FRMD4B: variants seen among roughly 807,000 people sequenced by gnomAD.
FRMD4B encodes FERM domain-containing protein 4B.
FRMD4B carries 74 observed loss-of-function variants against 141.5 expected under a neutral mutation model. The ratio of observed to expected loss-of-function variants is 0.52; its 90% CI spans 0.43 to 0.63. FRMD4B has a LOEUF of 0.63. Among genes scored for constraint, FRMD4B ranks in the 30% least tolerant of loss-of-function variants. FRMD4B has a pLI of 0.00. For missense variants in FRMD4B, 1,366 were observed against 1,253.4 expected, an observed-to-expected ratio of 1.09 and a Z score of -1.36; for synonymous variants, 506 against 467.9, an observed-to-expected ratio of 1.08 and a Z score of -1.05.
At chr3:69,542,015 C>A (rs1293610174) in intron 1 of FRMD4B, among the ~76,000 whole-genome samples, 1 of 152,150 alleles carries the variant, frequency 6.6e-6, no homozygotes, top group East Asian at 1.9e-4. Context: ...GGGACTCCAG[C>A]GGAGGCTGCA....
chr3:69,271,193 T>C (rs1027476432), intron 5 of FRMD4B, among the ~76,000 whole-genome samples: 3 of 152,372 alleles, frequency 2.0e-5, no homozygotes, highest in Middle Eastern at 3.4e-3. Context: ...CATTATGAAA[T>C]ACAAGTCTTC....
At chr3:69,275,272 A>G (rs947745158) in intron 5 of FRMD4B, among the ~76,000 whole-genome samples, 4 of 152,180 alleles carry the variant, frequency 2.6e-5, no homozygotes, top group African/African-American at 9.6e-5. Flanking sequence ...TACCTTTAAC[A>G]ACAGGAAAAA....
chr3:69,431,314 A>C (rs1705175026), intron 2 of FRMD4B, among the ~76,000 whole-genome samples: 1 of 152,218 alleles, frequency 6.6e-6, no homozygotes, highest in Non-Finnish European at 1.5e-5. Flanking sequence ...TTGTTTGAGA[A>C]GTACACTGAG....
intron 22 of FRMD4B, among the ~76,000 whole-genome samples, chr3:69,173,028 G>C (rs560922283): frequency 6.6e-6 from 1 of 152,100 alleles, no homozygotes; most frequent in Non-Finnish European, 1.5e-5. Context: ...ACAGATTGGA[G>C]GTACTGTACT....
chr3:69,281,834 A>T (rs200288604), intron 5 of FRMD4B, among the ~76,000 whole-genome samples: 1,502 of 71,562 alleles, frequency 0.021, 26 homozygotes, highest in African/African-American at 0.057. Context: ...AAAAAAAAAA[A>T]AAAAATATAT....
At chr3:69,196,792 C>A in intron 13 of FRMD4B, 108 bp downstream of exon 13, 2 of 827,244 alleles carry the variant, frequency 2.4e-6, no homozygotes, top group Non-Finnish European at 3.7e-6. Context: ...GCAAAAAAAT[C>A]TCAGAGAGCA....
At chr3:69,488,859 C>G (rs939668919) in intron 1 of FRMD4B, among the ~76,000 whole-genome samples, 2 of 139,110 alleles carry the variant, frequency 1.4e-5, no homozygotes, top group African/African-American at 5.4e-5. Flanking sequence ...CACCACTGCA[C>G]TCCAGCCTGG....
intron 5 of FRMD4B, among the ~76,000 whole-genome samples, chr3:69,286,645 G>A (rs922845048): frequency 3.3e-5 from 5 of 152,156 alleles, no homozygotes; most frequent in Admixed American, 6.5e-5. Context: ...AGATCAGAAC[G>A]TACAAGGGAG....
Position 69,228,478 on chromosome 3 carries a change from T to C in FRMD4B, c.582-3788A>G, listed in dbSNP as rs1439023536. 1.5e-5 allele frequency: 7 copies of C among 456,270 alleles called. No homozygotes were observed. The Admixed American group carries it at 1.6e-4, about 11-fold the overall frequency. The allele number at this position is 456,270 out of a possible 1,614,324, so 28.3% of individuals were successfully genotyped here. ...TGAAGAGAGGAGAACATTGCCCATG[T>C]TTCATATAAGATACAGATTTGACTC... On this transcript the variant is annotated intron_variant, in intron 7 of 22. Transcript: ENST00000398540.
chr3:69,192,667 T>C (rs1242212568), intron 17 of FRMD4B, among the ~76,000 whole-genome samples: 3 of 152,200 alleles, frequency 2.0e-5, no homozygotes, highest in African/African-American at 7.2e-5. Context: ...ATTTCACAAC[T>C]GTTAGTATTT....
chr3:69,176,699 A>G, intron 21 of FRMD4B, 43 bp from the exon 22 acceptor site: 1 of 1,411,484 alleles, frequency 7.1e-7, no homozygotes, highest in East Asian at 2.4e-5. Flanking sequence ...TGGAAATATT[A>G]AAAGTGAAAA....
Position 69,500,993 on chromosome 3 carries a change from T to A in FRMD4B, c.-129+41213A>T, listed in dbSNP as rs182998658. ...AAAAAGAAGGCCAACTTTGTATTTT[T>A]AAAATATTATCCTGGAAGCAGTGTG... On this transcript the variant is annotated intron_variant, in intron 1 of 5. Transcript: ENST00000459638. 4.6e-3 allele frequency among the ~76,000 whole-genome samples: 697 copies of A among 152,334 alleles called. 5 individuals are homozygous for A. The highest frequency in any genetic ancestry group is 6.4e-3 in the Non-Finnish European group (437 of 68,034).
At position 69,438,451 on chromosome 3, in the gene FRMD4B, A is replaced by G. The variant is rs80031775; in HGVS notation, c.-128-5690T>C. 9.1e-3 allele frequency among the ~76,000 whole-genome samples: 1,382 copies of G among 152,222 alleles called. 20 individuals are homozygous for G. Among genetic ancestry groups the G allele is most frequent in the African/African-American group, 0.032 (1,310 of 41,518 alleles). ...CAATAAAAATATGTTCAAGACAAAA[A>G]AGGATATAGAAGCAAAATTGTAGGA... On this transcript the variant is annotated intron_variant, in intron 1 of 5. Coordinates refer to the FRMD4B transcript ENST00000459638.
intron 9 of FRMD4B, among the ~76,000 whole-genome samples, chr3:69,219,711 C>G (rs1411701780): frequency 6.6e-6 from 1 of 151,888 alleles, no homozygotes; most frequent in Admixed American, 6.6e-5. Flanking sequence ...CTGTACCTAA[C>G]AAACCATCAC....
At chr3:69,212,381 G>GAAAAAAAAGA (rs2093093521) in intron 11 of FRMD4B, among the ~76,000 whole-genome samples, 1 of 95,598 alleles carries the variant, frequency 1.0e-5, no homozygotes, top group Admixed American at 1.5e-4. Flanking sequence ...AAAAAAAAAA[G>GAAAAAAAAGA]AAAAAAAAAA....
At chr3:69,233,147 G>A (rs866792433) in intron 7 of FRMD4B, among the ~76,000 whole-genome samples, 9 of 151,990 alleles carry the variant, frequency 5.9e-5, no homozygotes, top group Middle Eastern at 3.4e-3. Flanking sequence ...ATATCCAAAT[G>A]GAAACAGCTA....
At chr3:69,305,841 A>G (rs1420811209) in intron 3 of FRMD4B, among the ~76,000 whole-genome samples, 2 of 152,250 alleles carry the variant, frequency 1.3e-5, no homozygotes, top group Admixed American at 6.5e-5. Flanking sequence ...GTACAATAGC[A>G]TATACAGCAT....
intron 5 of FRMD4B, among the ~76,000 whole-genome samples, chr3:69,281,903 A>G (rs1309476556): frequency 6.6e-6 from 1 of 151,372 alleles, no homozygotes; most frequent in Non-Finnish European, 1.5e-5. Flanking sequence ...TTCCTTTTTC[A>G]GACCATGCTG....
upstream of FRMD4B, among the ~76,000 whole-genome samples, chr3:69,391,031 G>T (rs1470781044): frequency 6.6e-6 from 1 of 151,960 alleles, no homozygotes; most frequent in Non-Finnish European, 1.5e-5. Flanking sequence ...CTGTATAATG[G>T]TTTTTTGTTT....
Sources: gnomAD v4.1 joint callset for allele counts (sites outside exome capture counted in the v4.1 genomes callset) on GRCh38, gnomAD v4.1.1 for gene constraint, MANE v1.5 for transcripts, NCBI Gene and HGNC (gene_info 2026-07-23, HGNC 2026-07-21) for gene names.